CCDC178: variants seen among roughly 807,000 people sequenced by gnomAD.
The protein encoded by CCDC178 is coiled-coil domain containing 178.
A neutral mutation model predicts 117.4 loss-of-function variants in CCDC178; 126 were observed. The observed-to-expected ratio is 1.07, with a 90% CI of 0.93 to 1.24. CCDC178 has a LOEUF of 1.24. Among genes scored for constraint, CCDC178 ranks in the 50% most tolerant of loss-of-function variants. The pLI, the probability that CCDC178 is intolerant of heterozygous loss-of-function variation, is 0.00. For synonymous variants in CCDC178, 283 were observed against 313.4 expected (o/e 0.90, Z 1.02); for missense variants, 1,030 against 986.9 (o/e 1.04, Z -0.59).
intron 20 of CCDC178, among the ~76,000 whole-genome samples, chr18:33,185,583 T>G (rs1462259050): frequency 6.6e-6 from 1 of 151,858 alleles, no homozygotes; most frequent in Non-Finnish European, 1.5e-5. Context: ...CGTTACAAAA[T>G]AAAAATAAAG....
At chr18:33,007,728 A>C (rs746752382) in intron 21 of CCDC178, among the ~76,000 whole-genome samples, 18 of 152,122 alleles carry the variant, frequency 1.2e-4, no homozygotes, top group Non-Finnish European at 2.2e-4. Context: ...ATTCCTATTC[A>C]CACATTCAGT....
At chr18:33,246,219 A>C (rs2059547019) in intron 14 of CCDC178, among the ~76,000 whole-genome samples, 1 of 151,974 alleles carries the variant, frequency 6.6e-6, no homozygotes, top group South Asian at 2.1e-4. Context: ...AGCAAACTAT[A>C]GATATTAACT....
At chr18:33,269,658 C>T (rs1230758135) in intron 12 of CCDC178, among the ~76,000 whole-genome samples, 1 of 151,768 alleles carries the variant, frequency 6.6e-6, no homozygotes. Flanking sequence ...TCATGGGCTG[C>T]ACATGAGAAA....
intron 11 of CCDC178, among the ~76,000 whole-genome samples, chr18:33,319,545 A>G (rs1404503395): frequency 1.3e-5 from 2 of 151,888 alleles, no homozygotes; most frequent in Admixed American, 6.6e-5. Context: ...ATAATCCTTT[A>G]GGTATATACC....
chr18:33,152,823 T>C (rs527804751), intron 20 of CCDC178, among the ~76,000 whole-genome samples: 17 of 152,004 alleles, frequency 1.1e-4, no homozygotes, highest in African/African-American at 3.9e-4. Flanking sequence ...AAAGAAGATA[T>C]AGTTGGTTCC....
intron 11 of CCDC178, among the ~76,000 whole-genome samples, chr18:33,316,544 A>C (rs9949235): frequency 0.56 from 84,679 of 151,894 alleles, 25,279 homozygotes; most frequent in African/African-American, 0.77. Context: ...GCGCCCGGAG[A>C]GCAGGTGCAG....
rs184125522 is a variant in CCDC178, at chr18:33,383,793, A to G, written c.208+5747T>C. ...AAACACTGAAAATTCTCAAAGCTGG[A>G]ATGCCTATTCTCCTCCAAATAATCA... is the stretch of plus-strand genomic sequence containing the variant. On this transcript the variant is annotated intron_variant, in intron 5 of 22. Transcript: ENST00000383096. Among the ~76,000 whole-genome samples, 4 of 152,304 alleles carry G rather than the reference A, an allele frequency of 2.6e-5. No individual in the cohort carries two copies. In the East Asian group the frequency reaches 5.8e-4, roughly 22 times the overall value.
At chr18:33,093,697 G>T (rs540425632) in intron 20 of CCDC178, among the ~76,000 whole-genome samples, 62 of 150,274 alleles carry the variant, frequency 4.1e-4, no homozygotes, top group Middle Eastern at 3.5e-3. Context: ...TACATTTCTT[G>T]CACAGAAAAC....
At chr18:33,362,668 G>A (rs1227225035) in intron 6 of CCDC178, among the ~76,000 whole-genome samples, 1 of 151,872 alleles carries the variant, frequency 6.6e-6, no homozygotes, top group Non-Finnish European at 1.5e-5. Flanking sequence ...GTGTCTGTCT[G>A]TATGTATCCC....
chr18:32,954,234 C>T (rs2054548109), intron 22 of CCDC178: 1 of 152,030 alleles, frequency 6.6e-6, no homozygotes, highest in Non-Finnish European at 1.5e-5. Flanking sequence ...ATAGAACTGT[C>T]CATTTTATTC....
At position 33,370,097 on chromosome 18, in the gene CCDC178, A is replaced by T; in HGVS notation, c.301T>A (p.Ser101Thr). 6.2e-7 allele frequency: 1 copy of T among 1,606,046 alleles called. No homozygotes were observed. Among genetic ancestry groups the T allele is most frequent in the Non-Finnish European group, 8.5e-7 (1 of 1,176,408 alleles). Residue 101 changes from serine to threonine, a missense_variant, in exon 6 of 23, where the codon TCA (serine) becomes ACA (threonine). By Grantham distance (58) the Ser-to-Thr change is moderately conservative. Transcript: ENST00000383096. ...TTGGACTCCACATCTTGGATGTGTG[A>T]AATCATTTTGTTGACACAAGGTGCT... ...IPAPCVNKMI[S>T]HIQDVESKIQ...
intron 20 of CCDC178, among the ~76,000 whole-genome samples, chr18:33,171,548 G>C (rs918856495): frequency 1.3e-5 from 2 of 152,180 alleles, no homozygotes; most frequent in Non-Finnish European, 2.9e-5. Flanking sequence ...CTAAAAGAAT[G>C]GATTACTGAA....
At chr18:33,411,858 C>T (rs532596803) in intron 3 of CCDC178, among the ~76,000 whole-genome samples, 173 bp downstream of exon 3, 3 of 152,164 alleles carry the variant, frequency 2.0e-5, no homozygotes, top group South Asian at 2.1e-4. Context: ...GTTTTTGTTA[C>T]GCTGACTCAC....
At chr18:33,366,454 T>G (rs567931254) in intron 6 of CCDC178, among the ~76,000 whole-genome samples, 11 of 152,126 alleles carry the variant, frequency 7.2e-5, no homozygotes, top group Admixed American at 4.6e-4. Flanking sequence ...TTTAGAGAGA[T>G]AATTAAACCA....
intron 2 of CCDC178, among the ~76,000 whole-genome samples, chr18:33,415,142 G>T (rs1187685150): frequency 6.6e-6 from 1 of 152,194 alleles, no homozygotes; most frequent in African/African-American, 2.4e-5. Context: ...AGATAGCGTG[G>T]TGATTCCTCA....
chr18:32,958,282 G>T, intron 22 of CCDC178: 1 of 433,438 alleles, frequency 2.3e-6, no homozygotes, highest in Non-Finnish European at 4.3e-6. Flanking sequence ...GGCAAAAAAT[G>T]CTCTTGCAAG....
chr18:33,436,327 A>G (rs1486010494), intron 2 of CCDC178, among the ~76,000 whole-genome samples: 1 of 152,222 alleles, frequency 6.6e-6, no homozygotes, highest in Non-Finnish European at 1.5e-5. Context: ...AGTTTAGGTA[A>G]CAAGATGTCC....
At chr18:33,124,288 T>C (rs1398705545) in intron 20 of CCDC178, among the ~76,000 whole-genome samples, 1 of 152,188 alleles carries the variant, frequency 6.6e-6, no homozygotes, top group Non-Finnish European at 1.5e-5. Context: ...GGAACAACAG[T>C]TCAGCACTTG....
intron 6 of CCDC178, among the ~76,000 whole-genome samples, chr18:33,365,122 A>G (rs1049870094): frequency 6.6e-6 from 1 of 152,118 alleles, no homozygotes; most frequent in East Asian, 1.9e-4. Flanking sequence ...GAACCACAGA[A>G]TAGGAAACCA....
Sources: allele counts gnomAD v4.1 joint callset (sites outside exome capture counted in the v4.1 genomes callset), GRCh38; gene constraint gnomAD v4.1.1; transcripts MANE v1.5; gene names NCBI Gene and HGNC (gene_info 2026-07-23, HGNC 2026-07-21).